RAP1GAP2: variants seen among roughly 807,000 people sequenced by gnomAD.
RAP1GAP2 encodes the protein RAP1 GTPase activating protein 2, also known as rap1 GTPase-activating protein 2.
In RAP1GAP2, 27 loss-of-function variants were observed where a neutral mutation model predicts 95.0. The ratio of observed to expected loss-of-function variants is 0.28; its 90% CI spans 0.21 to 0.39. The LOEUF is 0.39. Ranked by LOEUF, RAP1GAP2 falls within the 10% of genes least tolerant of loss-of-function variation. The pLI is 1.00. For missense variants in RAP1GAP2, 771 were observed against 970.0 expected (o/e 0.79, Z 2.72); for synonymous variants, 373 against 380.9 (o/e 0.98, Z 0.24).
chr17:3,030,950 G>C lies in RAP1GAP2; in HGVS notation c.2136G>C (p.Ser712=). 6.2e-7 allele frequency: 1 copy of C among 1,611,292 alleles called. No individual in the cohort carries two copies. Among genetic ancestry groups the C allele is most frequent in the Non-Finnish European group, 8.5e-7 (1 of 1,178,904 alleles). Residue 712 remains serine, a synonymous_variant, in exon 23 of 25, where the codon TCG becomes TCC. Transcript: ENST00000254695. Reference sequence around the variant, plus strand: ...CCAAAAGCAGAAACTCCCCGAGATCGAACCTGAAATTCCGCTTTGACAAGC... The same window carrying C: ...CCAAAAGCAGAAACTCCCCGAGATCCAACCTGAAATTCCGCTTTGACAAGC... The part of the protein sequence containing the change: ...TDAKSRNSPR[S]NLKFRFDKLS...
At chr17:2,778,007 T>TGGGAGGCG (rs57382056) in intron 1 of RAP1GAP2, among the ~76,000 whole-genome samples, 2 of 41,006 alleles carry the variant, frequency 4.9e-5, no homozygotes, top group Admixed American at 2.2e-4. Context: ...GCTGGGAGGC[T>TGGGAGGCG]GGGAGGCGGG....
At position 3,026,355 on chromosome 17, in the gene RAP1GAP2, T is replaced by A; in HGVS notation, c.1871T>A (p.Phe624Tyr). The change falls in exon 21 of 25, where the codon TTC becomes TAC. Residue 624 changes from phenylalanine (F) to tyrosine (Y), a missense_variant. Physicochemically the swap from Phe to Tyr is conservative, Grantham distance 22 (BLOSUM62 3). Coordinates refer to ENST00000254695, the MANE Select transcript of RAP1GAP2 (RefSeq NM_015085.5). ...TCACTTCCTATTCCCTGCAGGCCCT[T>A]CATGAAGTTGAAGGAAAACGGCCGT... ...PEICPNKEKP[F>Y]MKLKENGRAI... 3.2e-6 allele frequency: 5 copies of A among 1,550,558 alleles called. No homozygotes were observed. Among genetic ancestry groups the A allele is most frequent in the Non-Finnish European group, 4.4e-6 (5 of 1,146,464 alleles).
chr17:2,820,918 A>G (rs1269500149), intron 2 of RAP1GAP2, among the ~76,000 whole-genome samples: 6 of 68,126 alleles, frequency 8.8e-5, no homozygotes, highest in African/African-American at 3.3e-4. Flanking sequence ...TTGTATTTTT[A>G]GTAGAGATAG....
intron 3 of RAP1GAP2, among the ~76,000 whole-genome samples, chr17:2,936,929 T>G (rs989893187): frequency 2.0e-5 from 3 of 152,250 alleles, no homozygotes; most frequent in African/African-American, 7.2e-5. Flanking sequence ...AGTCAGTTCC[T>G]TTCTTCAGTT....
At chr17:3,002,714 C>T (rs1042880844) in intron 14 of RAP1GAP2, among the ~76,000 whole-genome samples, 3 of 152,102 alleles carry the variant, frequency 2.0e-5, no homozygotes, top group Admixed American at 6.5e-5. Flanking sequence ...AGGAAGGGGT[C>T]CTCTTCTGTC....
At chr17:2,958,573 ATAT>A (rs577942577) in intron 4 of RAP1GAP2, among the ~76,000 whole-genome samples, 1 of 152,006 alleles carries the variant, frequency 6.6e-6, no homozygotes, top group Non-Finnish European at 1.5e-5. Context: ...AGAAGTAGGC[ATAT>A]TATTATTATT....
At chr17:2,842,346 A>G (rs1391648170) in intron 2 of RAP1GAP2, among the ~76,000 whole-genome samples, 1 of 152,078 alleles carries the variant, frequency 6.6e-6, no homozygotes, top group Non-Finnish European at 1.5e-5. Context: ...CCTGGCCAAC[A>G]TGGTGAAACC....
At position 2,905,354 on chromosome 17, in the gene RAP1GAP2, C is replaced by T. The variant is rs200197822; in HGVS notation, c.151C>T (p.Pro51Ser). 1.0e-3 allele frequency: 1,613 copies of T among 1,613,676 alleles called. 26 individuals carry two copies. In the South Asian group the frequency reaches 0.013, roughly 13 times the overall value. ...DRPLSPPLTA[P>S]PTMKSSEFFE... ...GCCGCTCTCCCCTCCTCTCACGGCA[C>T]CTCCCACCATGAAGGTAAGAGGCTT... The change falls in exon 3 of 25, where the codon CCT becomes TCT. Residue 51 changes from proline (P) to serine (S), a missense_variant. By Grantham distance (74) the Pro-to-Ser change is moderately conservative (BLOSUM62 -1). Transcript: ENST00000254695.
chr17:3,000,372 C>T (rs2046110987), intron 14 of RAP1GAP2, among the ~76,000 whole-genome samples: 1 of 152,180 alleles, frequency 6.6e-6, no homozygotes, highest in Non-Finnish European at 1.5e-5. Context: ...GCGCCAAGCT[C>T]CAGGCTGGAA....
chr17:2,889,877 A>G (rs1003799489), intron 2 of RAP1GAP2, among the ~76,000 whole-genome samples: 21 of 76,554 alleles, frequency 2.7e-4, no homozygotes, highest in Non-Finnish European at 4.5e-4. Context: ...ATATATATAT[A>G]TATATATATA....
Position 2,867,817 on chromosome 17 carries a change from C to T in RAP1GAP2, c.81-37467C>T, listed in dbSNP as rs965986586. ...GGCTTAGTTGATGCTGATCTTGGCA[C>T]GGTCTTGTCAACTTGGCTGGTGGCT... On this transcript the variant is annotated intron_variant, in intron 2 of 24. Coordinates refer to ENST00000254695, the MANE Select transcript of RAP1GAP2 (RefSeq NM_015085.5). The surrounding 1 kb of genome is among the most constrained non-coding windows in gnomAD (Gnocchi z 4.5). Among the ~76,000 whole-genome samples the T allele has an allele frequency of 6.6e-6, 1 of 152,148 alleles. No homozygotes were observed. The highest frequency in any genetic ancestry group is 1.5e-5 in the Non-Finnish European group (1 of 68,024).
intron 1 of RAP1GAP2, among the ~76,000 whole-genome samples, chr17:2,768,567 C>T (rs1252998337): frequency 6.6e-6 from 1 of 151,888 alleles, no homozygotes; most frequent in Non-Finnish European, 1.5e-5. Flanking sequence ...TGGTGGGTGC[C>T]TGTAATTCCA....
At chr17:2,933,771 C>T (rs756611921) in intron 3 of RAP1GAP2, among the ~76,000 whole-genome samples, 4 of 151,504 alleles carry the variant, frequency 2.6e-5, no homozygotes, top group Non-Finnish European at 5.9e-5. Flanking sequence ...TTTTCCAGTT[C>T]CCCCACTAAG....
At chr17:2,809,796 G>C (rs973804859) in intron 2 of RAP1GAP2, among the ~76,000 whole-genome samples, 1 of 152,210 alleles carries the variant, frequency 6.6e-6, no homozygotes, top group Admixed American at 6.5e-5. Context: ...AGACCCATGG[G>C]TGTGTCAGGA....
At chr17:2,927,257 C>T (rs905196798) in intron 3 of RAP1GAP2, among the ~76,000 whole-genome samples, 3 of 151,706 alleles carry the variant, frequency 2.0e-5, no homozygotes, top group Non-Finnish European at 4.4e-5. Context: ...GGGTTCAGGC[C>T]GTTCTCCTGC....
rs542701482 is a variant in RAP1GAP2 at position 2,999,726 on chromosome 17, T to A, written c.1200+1350T>A. Among the ~76,000 whole-genome samples, 14 of 151,700 alleles carry A rather than the reference T, an allele frequency of 9.2e-5. No homozygotes were observed. In the South Asian group the frequency reaches 2.3e-3, roughly 25 times the overall value. On this transcript the variant is annotated intron_variant, in intron 14 of 24. Coordinates refer to ENST00000254695, the MANE Select transcript of RAP1GAP2 (RefSeq NM_015085.5). ...CTTTGGGAGGCAGAGGCAGGAGGATTGTTTGAGGCCAGAAGTTCAAGACCA... is the reference window on the plus strand; with the variant it reads ...CTTTGGGAGGCAGAGGCAGGAGGATAGTTTGAGGCCAGAAGTTCAAGACCA...
In RAP1GAP2 at chr17:2,969,007, G is replaced by A. The variant is rs905336380; in HGVS notation, c.596+3364G>A. On this transcript the variant is annotated intron_variant, in intron 8 of 24. Transcript: ENST00000254695. ...TATATTGTCAGTAGTATATATTATA[G>A]TATATGTATATGTACACATGTATGT... 7.2e-5 allele frequency among the ~76,000 whole-genome samples: 11 copies of A among 151,956 alleles called. No individual in the cohort carries two copies. In the South Asian group the frequency reaches 1.5e-3, roughly 20 times the overall value.
intron 3 of RAP1GAP2, among the ~76,000 whole-genome samples, chr17:2,939,696 G>A (rs1040904108): frequency 6.6e-6 from 1 of 152,216 alleles, no homozygotes; most frequent in Non-Finnish European, 1.5e-5. Flanking sequence ...GGCAGGGATG[G>A]AGGGGGGAGG....
intron 7 of RAP1GAP2, 113 bp downstream of exon 7, chr17:2,964,181 G>A (rs1321717519): frequency 4.8e-6 from 5 of 1,039,784 alleles, no homozygotes; most frequent in Non-Finnish European, 6.8e-6. Flanking sequence ...GGCTGTGGGA[G>A]GCTGTGGGAG....
Sources: allele counts gnomAD v4.1 joint callset (sites outside exome capture counted in the v4.1 genomes callset), GRCh38; gene constraint gnomAD v4.1.1; non-coding constraint Gnocchi (gnomAD v3.1); transcripts MANE v1.5; gene names NCBI Gene and HGNC (gene_info 2026-07-23, HGNC 2026-07-21).